The following FNDC1 variants were observed in gnomAD, a reference collection of about 807,000 sequenced individuals.
FNDC1 encodes fibronectin type III domain containing 1.
Under a neutral mutation model 168.0 loss-of-function variants are expected in FNDC1, and 96 were observed. That is an observed-to-expected ratio of 0.57 (90% CI 0.48 to 0.68). The LOEUF (loss-of-function observed/expected upper bound fraction) is 0.68. Ranked by LOEUF, FNDC1 falls within the 30% of genes least tolerant of loss-of-function variation. The pLI is 0.00. For synonymous variants in FNDC1, 1,099 were observed against 1,025.9 expected, an observed-to-expected ratio of 1.07 and a Z score of -1.36; for missense variants, 2,587 against 2,482.1, an observed-to-expected ratio of 1.04 and a Z score of -0.90.
chr6:159,214,878 C>T, intron 4 of FNDC1, 67 bp from the exon 5 acceptor site: 1 of 1,412,204 alleles, frequency 7.1e-7, no homozygotes, highest in Non-Finnish European at 1.0e-6. Flanking sequence ...CTGAAGACCT[C>T]ATGTGCATGA....
intron 12 of FNDC1, among the ~76,000 whole-genome samples, chr6:159,238,050 A>T (rs1367551559): frequency 3.3e-5 from 5 of 151,762 alleles, no homozygotes; most frequent in African/African-American, 7.3e-5. Context: ...AACAATTTAC[A>T]TGTTATATGG....
rs371794910 is a variant in FNDC1, at chr6:159,261,230, G to A, written c.5215G>A (p.Gly1739Arg). The A allele has an allele frequency of 3.1e-6, 5 of 1,613,224 alleles. No homozygotes were observed. The highest frequency in any genetic ancestry group is 1.7e-5 in the Admixed American group (1 of 59,868). Residue 1739 changes from glycine to arginine, a missense_variant, in exon 19 of 23, where the codon GGA (glycine) becomes AGA (arginine). By Grantham distance (125) the Gly-to-Arg change is moderately radical. Transcript: ENST00000297267. ...GCAAGCACAAAATCCTCATGGCTAC[G>A]GACCTATCAGCCCTTCGGTCTCATT... ...KVQAQNPHGY[G>R]PISPSVSFVT...
chr6:159,232,690 A>G lies in FNDC1; in HGVS notation c.2178A>G (p.Ser726=), dbSNP rs577393992. The G allele has an allele frequency of 6.2e-6, 10 of 1,613,816 alleles. No homozygotes were observed. In the South Asian group the frequency reaches 1.1e-4, roughly 18 times the overall value. Reference sequence around the variant, plus strand: ...GACTTTCTCCACCCCATGGGGGATCATCTCGGCTGCTGCCCACCCAGCCAC... The same window carrying G: ...GACTTTCTCCACCCCATGGGGGATCGTCTCGGCTGCTGCCCACCCAGCCAC... ...PSRLSPPHGG[S]SRLLPTQPHL... Residue 726 remains serine, a synonymous_variant, in exon 11 of 23, where the codon TCA becomes TCG. Transcript: ENST00000297267. This position sits in a 1 kb window ranked among gnomAD's most constrained non-coding sequence, Gnocchi z 4.9.
At chr6:159,256,472 T>C (rs1777375338) in intron 17 of FNDC1, 51 bp from the exon 18 acceptor site, 1 of 1,344,506 alleles carries the variant, frequency 7.4e-7, no homozygotes, top group African/African-American at 1.4e-5. Flanking sequence ...ACATCTTGTG[T>C]GTGACTTGGT....
intron 11 of FNDC1, among the ~76,000 whole-genome samples, chr6:159,235,687 G>A (rs577797302): frequency 1.4e-4 from 22 of 152,292 alleles, no homozygotes; most frequent in Admixed American, 5.2e-4. Flanking sequence ...TCTTCTTACT[G>A]TCTGAGCAAA....
At chr6:159,241,817 A>G (rs559599030) in intron 14 of FNDC1, among the ~76,000 whole-genome samples, 1 of 152,324 alleles carries the variant, frequency 6.6e-6, no homozygotes, top group East Asian at 1.9e-4. Context: ...TAATCCATAC[A>G]TGTCGATGAG....
In FNDC1 at chr6:159,271,181, A is replaced by G. The variant is rs1281443370; in HGVS notation, c.5570-146A>G. On this transcript the variant is annotated intron_variant, in intron 22 of 22. Transcript: ENST00000297267. ...CCCAGGGCTATGGCAACCACACACA[A>G]AAATGGTTCAGTTTATTTGAAAGTA... The G allele has an allele frequency of 4.9e-6, 3 of 612,916 alleles. No individual in the cohort carries two copies. The African/African-American group carries it at 5.6e-5, about 11-fold the overall frequency. 38.0% of individuals were successfully genotyped at this position (612,916 alleles called of 1,614,324 possible).
In FNDC1 at chr6:159,173,546, G is replaced by A. The variant is rs557524310; in HGVS notation, c.109+3841G>A. Among the ~76,000 whole-genome samples the A allele has an allele frequency of 2.6e-5, 4 of 152,272 alleles. No homozygotes were observed. The South Asian group carries it at 6.2e-4, about 24-fold the overall frequency. On this transcript the variant is annotated intron_variant, in intron 1 of 22. Coordinates refer to ENST00000297267, the MANE Select transcript of FNDC1 (RefSeq NM_032532.3). ...TAATAGGATTGCAGAGTGACAATTT[G>A]CACCCCTGGAAAGTTATCACCAGAC... is the stretch of plus-strand genomic sequence containing the variant.
chr6:159,226,669 G>C, intron 9 of FNDC1, 89 bp downstream of exon 9: 2 of 1,004,492 alleles, frequency 2.0e-6, no homozygotes, highest in Non-Finnish European at 2.9e-6. Context: ...AAAAGAAATA[G>C]GGAAGCAACA....
chr6:159,230,618 G>A (rs774784286), intron 10 of FNDC1, among the ~76,000 whole-genome samples: 3 of 152,184 alleles, frequency 2.0e-5, no homozygotes, highest in Non-Finnish European at 4.4e-5. Flanking sequence ...GATTTCAGTT[G>A]TCTAGCTTAC....
chr6:159,213,458 T>C (rs1782646932), intron 4 of FNDC1, among the ~76,000 whole-genome samples: 1 of 152,264 alleles, frequency 6.6e-6, no homozygotes, highest in South Asian at 2.1e-4. Context: ...CGAGTCAGAA[T>C]TGGTTTGTCC....
In FNDC1 at chr6:159,200,577, C is replaced by T; in HGVS notation, c.456C>T (p.Val152=). ...GTCCAGGACCATTTAATGAAACCGT[C>T]ACAGGTACTACTTCCTCCTTCATGT... ...IKGPGPFNET[V]TEKEVPNKPL... is the part of the protein sequence containing the mutation. The change falls in exon 4 of 23, where the codon GTC becomes GTT. Residue 152 remains valine, a synonymous_variant. Transcript: ENST00000297267. The T allele has an allele frequency of 6.3e-7, 1 of 1,590,258 alleles. No homozygotes were observed. The highest frequency in any genetic ancestry group is 8.6e-7 in the Non-Finnish European group (1 of 1,166,704).
At chr6:159,203,459 C>A (rs1782417829) in intron 4 of FNDC1, among the ~76,000 whole-genome samples, 1 of 152,112 alleles carries the variant, frequency 6.6e-6, no homozygotes, top group Admixed American at 6.5e-5. Flanking sequence ...AAGCAATTCC[C>A]AGACTGGTCA....
chr6:159,171,487 G>A (rs762881618), intron 1 of FNDC1, among the ~76,000 whole-genome samples: 1 of 152,106 alleles, frequency 6.6e-6, no homozygotes, highest in African/African-American at 2.4e-5. Context: ...TGGACCAAGC[G>A]AGCTGCTTGT....
chr6:159,233,065 G>T lies in FNDC1; in HGVS notation c.2553G>T (p.Ser851=), dbSNP rs1441317889. The change falls in exon 11 of 23, where the codon TCG becomes TCT. Residue 851 remains serine, a synonymous_variant. Coordinates refer to ENST00000297267, the MANE Select transcript of FNDC1 (RefSeq NM_032532.3). This position sits in a 1 kb window ranked among gnomAD's most constrained non-coding sequence, Gnocchi z 4.6. ...PRLQPSSSPQ[S]TVPSRAHPRV... is the part of the protein sequence containing the mutation. Reference sequence around the variant, plus strand: ...TGCAGCCCTCCAGCTCCCCACAGTCGACTGTGCCCTCCCGAGCCCACCCCA... The same window carrying T: ...TGCAGCCCTCCAGCTCCCCACAGTCTACTGTGCCCTCCCGAGCCCACCCCA... 1.2e-6 allele frequency: 2 copies of T among 1,608,958 alleles called. No individual in the cohort carries two copies. Among genetic ancestry groups the T allele is most frequent in the Middle Eastern group, 1.7e-4 (1 of 6,052 alleles).
At position 159,231,921 on chromosome 6, in the gene FNDC1, G is replaced by C. The variant is rs748148441; in HGVS notation, c.1409G>C (p.Gly470Ala). The change falls in exon 11 of 23, where the codon GGG becomes GCG. Residue 470 changes from glycine to alanine, a missense_variant. Gly to Ala is a moderately conservative substitution (Grantham distance 60, BLOSUM62 0). Coordinates refer to ENST00000297267, the MANE Select transcript of FNDC1 (RefSeq NM_032532.3). ...GTTGAGCAGAACACGGAGGACAATG[G>C]GAAACCCGAAAAACCTGAGCCTTCC... The part of the protein sequence containing the change: ...ADVEQNTEDN[G>A]KPEKPEPSSP... 36 of 1,612,556 alleles carry C rather than the reference G, an allele frequency of 2.2e-5. 1 individual carries two copies. Among genetic ancestry groups the C allele is most frequent in the Non-Finnish European group, 3.0e-5 (35 of 1,179,558 alleles).
At chr6:159,227,501 T>C (rs1285332967) in intron 9 of FNDC1, among the ~76,000 whole-genome samples, 1 of 152,162 alleles carries the variant, frequency 6.6e-6, no homozygotes, top group Non-Finnish European at 1.5e-5. Flanking sequence ...TTTATATTCA[T>C]CCAAAAGTTA....
rs753171980 is a variant in FNDC1 at position 159,226,526 on chromosome 6, A to G, written c.1126A>G (p.Thr376Ala). 1 of 1,612,070 alleles carries G rather than the reference A, an allele frequency of 6.2e-7. No individual in the cohort carries two copies. Among genetic ancestry groups the G allele is most frequent in the East Asian group, 2.2e-5 (1 of 44,868 alleles). The change falls in exon 9 of 23, where the codon ACA becomes GCA. Residue 376 changes from threonine (T) to alanine (A), a missense_variant. By Grantham distance (58) the Thr-to-Ala change is moderately conservative. Transcript: ENST00000297267. ...LNVWPVNGKP[T>A]VVAASWDALP... ...CGTCTGGCCAGTCAATGGCAAACCTACAGTTGTCGCTGCATCTTGGGATGC... is the reference window on the plus strand; with the variant it reads ...CGTCTGGCCAGTCAATGGCAAACCTGCAGTTGTCGCTGCATCTTGGGATGC...
At chr6:159,234,807 T>C (rs772945738) in intron 11 of FNDC1, among the ~76,000 whole-genome samples, 38 of 152,268 alleles carry the variant, frequency 2.5e-4, no homozygotes, top group Non-Finnish European at 4.7e-4. Flanking sequence ...CTTTTCACTG[T>C]CCTACATTGC....
Sources: allele counts gnomAD v4.1 joint callset (sites outside exome capture counted in the v4.1 genomes callset), GRCh38; gene constraint gnomAD v4.1.1; non-coding constraint Gnocchi (gnomAD v3.1); transcripts MANE v1.5; gene names NCBI Gene and HGNC (gene_info 2026-07-23, HGNC 2026-07-21).